Variants in FAM217B observed in about 807,000 individuals in gnomAD.
The protein encoded by FAM217B is family with sequence similarity 217 member B, also known as protein FAM217B.
For synonymous variants in FAM217B, 163 were observed against 173.0 expected, an observed-to-expected ratio of 0.94 and a Z score of 0.45; for missense variants, 463 against 456.9, an observed-to-expected ratio of 1.01 and a Z score of -0.12.
rs1569009086 is a variant in FAM217B, at chr20:59,944,833, CAAGT to C, written c.894_897del (p.Ser298ArgfsTer33). The C allele has an allele frequency of 1.2e-6, 2 of 1,614,156 alleles. No individual in the cohort carries two copies. Among genetic ancestry groups the C allele is most frequent in the East Asian group, 2.2e-5 (1 of 44,884 alleles). ...AGGACAGAAGAAAAGAAAAAGAAAT[CAAGT>C]AAGAGTACGAAGCTGCAGCGCTGGG... On this transcript the variant is annotated frameshift_variant, in exon 4 of 4. Transcript: ENST00000360816. LOFTEE classifies it low-confidence loss of function (END_TRUNC).
intron 1 of FAM217B, among the ~76,000 whole-genome samples, chr20:59,935,201 C>G (rs1042676310): frequency 5.3e-5 from 8 of 152,180 alleles, no homozygotes; most frequent in African/African-American, 1.7e-4. Flanking sequence ...GCCAATAGAT[C>G]TAAGATCCTT....
intron 3 of FAM217B, 113 bp from the exon 4 acceptor site, chr20:59,943,827 C>A: frequency 1.2e-6 from 1 of 842,982 alleles, no homozygotes; most frequent in Non-Finnish European, 1.8e-6. Context: ...CTAATGCCTA[C>A]TAATAGCTGA....
In FAM217B at chr20:59,940,446, A is replaced by G. The variant is rs1437981599; in HGVS notation, c.-292A>G. The G allele has an allele frequency of 6.6e-6, 1 of 152,132 alleles. No homozygotes were observed. The highest frequency in any genetic ancestry group is 1.5e-5 in the Non-Finnish European group (1 of 68,044). 9.4% of individuals were successfully genotyped at this position (152,132 alleles called of 1,614,324 possible). ...CCTCCGCCTCCAGCTCCCCTGCCGC[A>G]GCGCGCCGCAGCCGGGCGTCCCCGC... is the stretch of plus-strand genomic sequence containing the variant. On this transcript the variant is annotated 5_prime_UTR_variant, in exon 1 of 4. Coordinates refer to ENST00000360816, the MANE Select transcript of FAM217B (RefSeq NM_022106.3).
At chr20:59,935,777 A>G (rs1194117429), upstream of FAM217B, among the ~76,000 whole-genome samples, 2 of 152,234 alleles carry the variant, frequency 1.3e-5, no homozygotes, top group East Asian at 3.8e-4. Context: ...TCTCTCAAAA[A>G]AGAGAAATAT....
chr20:59,936,908 G>C (rs1268697526), upstream of FAM217B: 2 of 152,474 alleles, frequency 1.3e-5, no homozygotes, highest in East Asian at 3.9e-4. Flanking sequence ...TGTTTGGGGG[G>C]ACAACCCAGC....
At chr20:59,940,795 A>G (rs1022862342) in intron 1 of FAM217B, among the ~76,000 whole-genome samples, 4 of 152,198 alleles carry the variant, frequency 2.6e-5, no homozygotes, top group Non-Finnish European at 5.9e-5. Flanking sequence ...CTCACTGCGT[A>G]GAGGAGCAGC....
chr20:59,937,893 G>A (rs763822426), upstream of FAM217B: 3 of 152,458 alleles, frequency 2.0e-5, no homozygotes, highest in Admixed American at 2.0e-4. Flanking sequence ...AAGGCAGAAA[G>A]TATAAAGTTG....
At chr20:59,938,955 ATG>A (rs1371099507), upstream of FAM217B, 2 of 1,369,484 alleles carry the variant, frequency 1.5e-6, no homozygotes, top group Non-Finnish European at 1.9e-6. Context: ...AACCAGATAG[ATG>A]TGAGAGCCCA....
chr20:59,939,245 G>GGGGCCTGC (rs1440258219), upstream of FAM217B: 1 of 1,611,122 alleles, frequency 6.2e-7, no homozygotes, highest in East Asian at 2.2e-5. Flanking sequence ...CCGTGCCCTC[G>GGGGCCTGC]GGGCCTGCGG....
Position 59,944,393 on chromosome 20 carries a change from C to T in FAM217B, c.450C>T (p.Phe150=), listed in dbSNP as rs1215209148. Residue 150 remains phenylalanine (F), a synonymous_variant, in exon 4 of 4, where the codon TTC becomes TTT. Transcript: ENST00000360816. ...ATCCTAATTTCCTTCCATCCCCTTT[C>T]AGCTCCTGGGACCTACGAGATATGG... The part of the protein sequence containing the change: ...YYYPNFLPSP[F]SSWDLRDMAL... The T allele has an allele frequency of 3.1e-6, 5 of 1,613,982 alleles. No homozygotes were observed. In the African/African-American group the frequency reaches 5.3e-5, roughly 17 times the overall value.
At chr20:59,939,020 TC>T, upstream of FAM217B, 1 of 1,502,506 alleles carries the variant, frequency 6.7e-7, no homozygotes, top group South Asian at 1.3e-5. Flanking sequence ...AGGTGGCCGG[TC>T]CCCGCGCGGC....
Position 59,948,138 on chromosome 20 carries a change from A to G in FAM217B, c.*3043A>G, listed in dbSNP as rs2060948448. 6.0e-6 allele frequency: 1 copy of G among 166,646 alleles called. No homozygotes were observed. The highest frequency in any genetic ancestry group is 1.5e-5 in the Non-Finnish European group (1 of 68,106). 10.3% of individuals were successfully genotyped at this position (166,646 alleles called of 1,614,324 possible). On this transcript the variant is annotated 3_prime_UTR_variant, in exon 4 of 4. Transcript: ENST00000360816. The stretch of plus-strand genomic sequence containing the variant: ...AAGTACAAAAATGAACTAAAAGTAT[A>G]TCAGTATTTGCAGTATTTGCTGTGA...
At position 59,944,533 on chromosome 20, in the gene FAM217B, A is replaced by G. The variant is rs1291235286; in HGVS notation, c.590A>G (p.Gln197Arg). 1.9e-6 allele frequency: 3 copies of G among 1,614,078 alleles called. No homozygotes were observed. Among genetic ancestry groups the G allele is most frequent in the Non-Finnish European group, 2.5e-6 (3 of 1,180,010 alleles). Residue 197 changes from glutamine to arginine, a missense_variant, in exon 4 of 4, where the codon CAG (glutamine) becomes CGG (arginine). Gln to Arg is a conservative substitution (Grantham distance 43). Transcript: ENST00000360816. Reference protein sequence around the residue: ...QLEWLQVQTVQCEKAKGGKAR... With the variant: ...QLEWLQVQTVRCEKAKGGKAR... ...GAGTGGCTGCAAGTCCAGACTGTACAGTGTGAAAAAGCAAAGGGGGGCAAA... is the reference window on the plus strand; with the variant it reads ...GAGTGGCTGCAAGTCCAGACTGTACGGTGTGAAAAAGCAAAGGGGGGCAAA...
At chr20:59,933,840 G>A (rs1341631312) in exon 1 of FAM217B, 1 of 148,376 alleles carries the variant, frequency 6.7e-6, no homozygotes, top group Non-Finnish European at 1.5e-5. Flanking sequence ...GCGCGGCTCA[G>A]GCCAGGCCCT....
chr20:59,939,040 A>T, upstream of FAM217B: 1 of 1,528,734 alleles, frequency 6.5e-7, no homozygotes, highest in Admixed American at 2.0e-5. Context: ...GCTCAGATGA[A>T]GTGGATCCAG....
chr20:59,936,694 A>C (rs2060864301), upstream of FAM217B: 1 of 152,250 alleles, frequency 6.6e-6, no homozygotes, highest in African/African-American at 2.4e-5. Flanking sequence ...ATTTTTGCCA[A>C]GGCTCTACGT....
At chr20:59,938,810 T>A, upstream of FAM217B, 63 of 304,852 alleles carry the variant, frequency 2.1e-4, no homozygotes, top group Non-Finnish European at 2.8e-4. Context: ...ATTACACAAC[T>A]CGGCCTTCTG....
At chr20:59,939,594 A>G, upstream of FAM217B, 1 of 1,603,248 alleles carries the variant, frequency 6.2e-7, no homozygotes, top group Non-Finnish European at 8.5e-7. Context: ...GACCTGTGCC[A>G]GCTCCAAGCC....
chr20:59,940,118 C>T, upstream of FAM217B: 1 of 429,318 alleles, frequency 2.3e-6, no homozygotes, highest in Non-Finnish European at 4.1e-6. Flanking sequence ...CCAGGTCCTC[C>T]GCTTCTTGCG....
Sources: gnomAD v4.1 joint callset for allele counts (sites outside exome capture counted in the v4.1 genomes callset) on GRCh38, gnomAD v4.1.1 for gene constraint, MANE v1.5 for transcripts, NCBI Gene and HGNC (gene_info 2026-07-23, HGNC 2026-07-21) for gene names.